Variants in PIEZO1 observed in about 807,000 individuals in gnomAD.
PIEZO1 encodes the protein piezo type mechanosensitive ion channel component 1 (Er blood group).
PIEZO1 carries 296 observed loss-of-function variants against 297.2 expected under a neutral mutation model. The observed-to-expected ratio is 1.00, with a 90% CI of 0.91 to 1.10. The LOEUF (loss-of-function observed/expected upper bound fraction) is 1.10, where lower values mean the gene tolerates loss of function less well. PIEZO1 is among the 50% of genes least tolerant of loss of function. The probability of loss-of-function intolerance (pLI) is 0.00; values close to 1 mark genes in which losing one functional copy is unlikely to be tolerated. For missense variants in PIEZO1, 5,018 were observed against 3,455.5 expected (o/e 1.45, Z -11.34); for synonymous variants, 2,427 against 1,507.5 (o/e 1.61, Z -14.13).
At chr16:88,753,727 C>A (rs12599033) in intron 1 of PIEZO1, among the ~76,000 whole-genome samples, 100,684 of 152,094 alleles carry the variant, frequency 0.66, 33,975 homozygotes, top group African/African-American at 0.8. Context: ...CGGCAGTGCT[C>A]TTGGTCTAAG....
At chr16:88,724,389 G>T (rs562988561) in intron 30 of PIEZO1, among the ~76,000 whole-genome samples, 101 of 152,246 alleles carry the variant, frequency 6.6e-4, no homozygotes, top group African/African-American at 2.4e-3. Flanking sequence ...AAATTAGCTG[G>T]GCGTGGTGGC....
chr16:88,723,093 A>C lies in PIEZO1; in HGVS notation c.4495+2T>G, dbSNP rs1397305795. On this transcript the variant is annotated splice_donor_variant, in intron 33 of 50. Coordinates refer to ENST00000301015, the MANE Select transcript of PIEZO1 (RefSeq NM_001142864.4). LOFTEE classifies it high-confidence loss of function. ...CCACTCCCCAGCCCCGGGCCCACGTACCTGCCGCTGCCTCCTCGGGGCCCT... is the reference window on the plus strand; with the variant it reads ...CCACTCCCCAGCCCCGGGCCCACGTCCCTGCCGCTGCCTCCTCGGGGCCCT... The C allele has an allele frequency of 8.4e-6, 13 of 1,547,278 alleles. No homozygotes were observed. In the South Asian group the frequency reaches 1.5e-4, roughly 18 times the overall value.
rs781141758 is a variant in PIEZO1, at chr16:88,734,378, G to A, written c.2158C>T (p.Arg720Cys). The change falls in exon 16 of 51, where the codon CGC becomes TGC. Residue 720 changes from arginine (R) to cysteine (C), a missense_variant. Physicochemically the swap from Arg to Cys is radical, Grantham distance 180 (BLOSUM62 -3). Transcript: ENST00000301015. ...DMEHVSLPGT[R>C]LPRWAHRQDA... ...CACCTGTGAGCCCAGCGCGGGAGGC[G>A]CGTGCCAGGCAGGGACACGTGCTCC... The A allele has an allele frequency of 3.6e-5, 56 of 1,543,400 alleles. No individual in the cohort carries two copies. The highest frequency in any genetic ancestry group is 1.8e-4 in the African/African-American group (13 of 72,970).
Position 88,720,508 on chromosome 16 carries a change from T to C in PIEZO1, c.5826A>G (p.Leu1942=), listed in dbSNP as rs371899450. The C allele has an allele frequency of 6.5e-6, 10 of 1,550,078 alleles. No homozygotes were observed. The highest frequency in any genetic ancestry group is 8.7e-6 in the Non-Finnish European group (10 of 1,146,964). Residue 1942 remains leucine, a synonymous_variant, in exon 41 of 51, where the codon CTA becomes CTG. Transcript: ENST00000301015. Reference sequence around the variant, plus strand: ...GCAGGATGTCGTGGAAGAAGCGCCGTAGCGGCCGATATGTGCCCTGGGCCC... The same window carrying C: ...GCAGGATGTCGTGGAAGAAGCGCCGCAGCGGCCGATATGTGCCCTGGGCCC... ...LSLAQGTYRP[L]RRFFHDILHT... is the part of the protein sequence containing the mutation.
rs567472123 is a variant in PIEZO1, at chr16:88,749,297, G to A, written c.160+87C>T. ...TCATCTTCCACCCCGGGCTGTTAAA[G>A]GTGAGGAAAGCTGTACGAATTTTGG... On this transcript the variant is annotated intron_variant, in intron 2 of 50. Transcript: ENST00000301015. 4.7e-6 allele frequency: 4 copies of A among 844,168 alleles called. No individual in the cohort carries two copies. In the African/African-American group the frequency reaches 7.2e-5, roughly 15 times the overall value. 52.3% of individuals were successfully genotyped at this position (844,168 alleles called of 1,614,324 possible).
chr16:88,721,219 C>T lies in PIEZO1; in HGVS notation c.5615G>A (p.Arg1872His), dbSNP rs1004130638. The T allele has an allele frequency of 1.1e-5, 17 of 1,535,874 alleles. No individual in the cohort carries two copies. The highest frequency in any genetic ancestry group is 2.7e-5 in the African/African-American group (2 of 72,904). Reference sequence around the variant, plus strand: ...GCCCTCCTTCTTCCTTCTTCTAAAACGTAGACTGATGCGCCTCGTATCACG... The same window carrying T: ...GCCCTCCTTCTTCCTTCTTCTAAAATGTAGACTGATGCGCCTCGTATCACG... ...RPRDTRRISL[R>H]FRRRKKEGPA... Residue 1872 changes from arginine to histidine, a missense_variant, in exon 39 of 51, where the codon CGT (arginine) becomes CAT (histidine). Arg to His is a conservative substitution (Grantham distance 29). Transcript: ENST00000301015.
intron 9 of PIEZO1, 24 bp from the exon 10 acceptor site, chr16:88,737,670 A>T (rs1397449310): frequency 6.5e-7 from 1 of 1,533,476 alleles, no homozygotes; most frequent in African/African-American, 1.4e-5. Flanking sequence ...GCGCTGAGCC[A>T]TGCACGGGCT....
chr16:88,772,775 C>CCA (rs71376412), intron 1 of PIEZO1, among the ~76,000 whole-genome samples: 1 of 122,506 alleles, frequency 8.2e-6, no homozygotes, highest in African/African-American at 3.2e-5. Flanking sequence ...GAGACTCTGT[C>CCA]AAAAAAAAAA....
chr16:88,771,411 G>A (rs1011254134), intron 1 of PIEZO1, among the ~76,000 whole-genome samples: 1 of 152,174 alleles, frequency 6.6e-6, no homozygotes, highest in African/African-American at 2.4e-5. Flanking sequence ...GCCAGGCGGG[G>A]CTCCCATCCC....
Position 88,722,907 on chromosome 16 carries a change from G to T in PIEZO1, c.4598C>A (p.Thr1533Asn), listed in dbSNP as rs746284466. Residue 1533 changes from threonine to asparagine, a missense_variant, in exon 34 of 51, where the codon ACC becomes AAC. Thr to Asn is a moderately conservative substitution (Grantham distance 65). Transcript: ENST00000301015. ...GTCGCTCATGGTGCCGTGGTGCCGG[G>T]TGAACTCCTGCAGCCAGCGTGTCAG... ...DELTRWLQEF[T>N]RHHGTMSDVL... 9 of 1,549,174 alleles carry T rather than the reference G, an allele frequency of 5.8e-6. No individual in the cohort carries two copies. The African/African-American group carries it at 1.2e-4, about 21-fold the overall frequency.
In PIEZO1 at chr16:88,732,385, C is replaced by T. The variant is rs529542524; in HGVS notation, c.2941G>A (p.Gly981Ser). 5.4e-5 allele frequency: 84 copies of T among 1,549,784 alleles called. 1 individual carries two copies. The highest frequency in any genetic ancestry group is 8.3e-5 in the South Asian group (7 of 84,044). ...TRQQLDQDLL[G>S]CLKYFINFFF... The stretch of plus-strand genomic sequence containing the variant: ...AAGTTGATGAAGTACTTGAGGCAGC[C>T]GAGCAGATCCTGGTCCAGCTGCTGG... The change falls in exon 21 of 51, where the codon GGC (glycine) becomes AGC (serine). Residue 981 changes from glycine (G) to serine (S), a missense_variant. Transcript: ENST00000301015.
rs565078758 is a variant in PIEZO1, at chr16:88,749,772, C to G, written c.65-293G>C. On this transcript the variant is annotated intron_variant, in intron 1 of 50. Coordinates refer to ENST00000301015, the MANE Select transcript of PIEZO1 (RefSeq NM_001142864.4). The stretch of plus-strand genomic sequence containing the variant: ...GCTGGGTGCAGTGGTTCACACCTGT[C>G]ATCCCAGCACTTTGGGAGGCCAAGG... Among the ~76,000 whole-genome samples, 18 of 152,234 alleles carry G rather than the reference C, an allele frequency of 1.2e-4. No individual in the cohort carries two copies. The East Asian group carries it at 3.3e-3, about 28-fold the overall frequency.
intron 1 of PIEZO1, among the ~76,000 whole-genome samples, chr16:88,764,268 C>A (rs930517544): frequency 6.6e-6 from 1 of 152,164 alleles, no homozygotes; most frequent in Non-Finnish European, 1.5e-5. Flanking sequence ...GCAGCAAGCA[C>A]GTGGCAATGC....
intron 2 of PIEZO1, among the ~76,000 whole-genome samples, chr16:88,746,277 G>A (rs147222158): frequency 6.6e-6 from 1 of 152,148 alleles, no homozygotes; most frequent in African/African-American, 2.4e-5. Context: ...CCCTGCACGG[G>A]GCATGGTAAG....
In PIEZO1 at chr16:88,721,609, T is replaced by G; in HGVS notation, c.5332A>C (p.Lys1778Gln). Residue 1778 changes from lysine (K) to glutamine (Q), a missense_variant, in exon 38 of 51, where the codon AAG (lysine) becomes CAG (glutamine). Transcript: ENST00000301015. ...TCGTACTTGATGTAGCCGTCAGTCTTCTCCAGGCCCAGGATGCGGGGCGGG... is the reference window on the plus strand; with the variant it reads ...TCGTACTTGATGTAGCCGTCAGTCTGCTCCAGGCCCAGGATGCGGGGCGGG... ...YFPPRILGLE[K>Q]TDGYIKYDLV... is the part of the protein sequence containing the mutation. 6.5e-7 allele frequency: 1 copy of G among 1,550,102 alleles called. No homozygotes were observed. The highest frequency in any genetic ancestry group is 1.7e-4 in the Middle Eastern group (1 of 5,990).
chr16:88,717,088 A>T lies in PIEZO1; in HGVS notation c.6595T>A (p.Ser2199Thr). The change falls in exon 45 of 51, where the codon TCC (serine) becomes ACC (threonine). Residue 2199 changes from serine (S) to threonine (T), a missense_variant. Physicochemically the swap from Ser to Thr is moderately conservative, Grantham distance 58. Coordinates refer to ENST00000301015, the MANE Select transcript of PIEZO1 (RefSeq NM_001142864.4). ...FPLLFMSLVRSVVGVVNQPID... is the reference protein window; with the variant it reads ...FPLLFMSLVRTVVGVVNQPID... Reference sequence around the variant, plus strand: ...GGCTGGTTGACAACCCCAACCACGGAGCGCACCAGCGACATGAAGAGCAGT... The same window carrying T: ...GGCTGGTTGACAACCCCAACCACGGTGCGCACCAGCGACATGAAGAGCAGT... 1 of 1,551,222 alleles carries T rather than the reference A, an allele frequency of 6.4e-7. No homozygotes were observed. Among genetic ancestry groups the T allele is most frequent in the East Asian group, 2.4e-5 (1 of 40,926 alleles).
At chr16:88,733,768 G>GCGGGGCACAAACGGGGATTCC in intron 17 of PIEZO1, 23 bp from the exon 18 acceptor site, 7 of 1,511,966 alleles carry the variant, frequency 4.6e-6, no homozygotes, top group Middle Eastern at 1.8e-4. Flanking sequence ...GAGGGTCAGT[G>GCGGGGCACAAACGGGGATTCC]CGGGGCACAA....
chr16:88,717,332 C>T lies in PIEZO1; in HGVS notation c.6472-121G>A, dbSNP rs879818402. On this transcript the variant is annotated intron_variant, in intron 44 of 50. Transcript: ENST00000301015. ...CCAGCCTGACCTCAGTATGGCACAG[C>T]GGTAGTAATGGTGGGCAGACACAGG... The T allele has an allele frequency of 1.1e-4, 88 of 767,572 alleles. No homozygotes were observed. In the Admixed American group the frequency reaches 1.2e-3, roughly 10 times the overall value. The allele number at this position is 767,572 out of a possible 1,614,324, so 47.5% of individuals were successfully genotyped here.
At chr16:88,740,870 C>G (rs555770627) in intron 5 of PIEZO1, 2 of 152,278 alleles carry the variant, frequency 1.3e-5, no homozygotes, top group South Asian at 2.1e-4. Context: ...CAGGCAGGGA[C>G]GAGAGGGTCT....
Sources: gnomAD v4.1 joint callset for allele counts (sites outside exome capture counted in the v4.1 genomes callset) on GRCh38, gnomAD v4.1.1 for gene constraint, MANE v1.5 for transcripts, NCBI Gene and HGNC (gene_info 2026-07-23, HGNC 2026-07-21) for gene names.